Variants in TESK2 observed in about 807,000 individuals in gnomAD.
TESK2 encodes dual specificity testis-specific protein kinase 2.
TESK2 carries 39 observed loss-of-function variants against 57.1 expected under a neutral mutation model. That is an observed-to-expected ratio of 0.68 (90% CI 0.53 to 0.89). The LOEUF is 0.89. TESK2 is among the 40% of genes least tolerant of loss of function. The probability of loss-of-function intolerance (pLI) is 0.00; values close to 1 mark genes in which losing one functional copy is unlikely to be tolerated. For synonymous variants in TESK2, 249 were observed against 267.9 expected (o/e 0.93, Z 0.69); for missense variants, 646 against 732.1 (o/e 0.88, Z 1.36).
At chr1:45,480,021 C>T (rs1470002953) in intron 1 of TESK2, among the ~76,000 whole-genome samples, 1 of 151,370 alleles carries the variant, frequency 6.6e-6, no homozygotes, top group Non-Finnish European at 1.5e-5. Flanking sequence ...CGTGATTTCA[C>T]CATGTTGGTC....
intron 1 of TESK2, among the ~76,000 whole-genome samples, chr1:45,477,670 G>A (rs1653052511): frequency 6.3e-5 from 1 of 15,904 alleles, no homozygotes; most frequent in Admixed American, 9.0e-4. Flanking sequence ...AGACTAGCCA[G>A]AAGGAAGCAA....
intron 6 of TESK2, 61 bp from the exon 7 acceptor site, chr1:45,347,754 G>C (rs1647167215): frequency 6.4e-7 from 1 of 1,568,432 alleles, no homozygotes; most frequent in Admixed American, 1.7e-5. Context: ...GGAATCTTTT[G>C]ACCATTCCTC....
At chr1:45,422,090 A>C (rs140412760) in intron 2 of TESK2, among the ~76,000 whole-genome samples, 2 of 152,360 alleles carry the variant, frequency 1.3e-5, no homozygotes, top group East Asian at 3.9e-4. Flanking sequence ...CATGTCTGAT[A>C]TACACCATGG....
intron 2 of TESK2, among the ~76,000 whole-genome samples, chr1:45,442,507 A>G (rs987264851): frequency 1.9e-4 from 29 of 152,186 alleles, no homozygotes; most frequent in African/African-American, 6.8e-4. Flanking sequence ...AACTAGGACT[A>G]TTATAAAAAG....
chr1:45,380,211 T>C (rs1648600748), intron 4 of TESK2, among the ~76,000 whole-genome samples: 1 of 152,188 alleles, frequency 6.6e-6, no homozygotes, highest in Non-Finnish European at 1.5e-5. Flanking sequence ...GATAGTTTTC[T>C]TCATGGCAGA....
At chr1:45,350,194 C>T (rs1157670088) in intron 5 of TESK2, among the ~76,000 whole-genome samples, 1 of 152,096 alleles carries the variant, frequency 6.6e-6, no homozygotes, top group African/African-American at 2.4e-5. Flanking sequence ...TCATACATTC[C>T]ACTCTCCATA....
Position 45,394,679 on chromosome 1 carries a change from CTTTTTTTTT to C in TESK2, c.345-8728_345-8720del, listed in dbSNP as rs5773871. On this transcript the variant is annotated intron_variant, in intron 3 of 10. Coordinates refer to ENST00000372086, the MANE Select transcript of TESK2 (RefSeq NM_007170.3). ...AAGATAGTAAGACCAACAGGAAACT[CTTTTTTTTT>C]TTTTTTTTTTTTTTTTTTTTAAAGA... Among the ~76,000 whole-genome samples the C allele has an allele frequency of 3.3e-4, 19 of 57,424 alleles. No individual in the cohort carries two copies. The South Asian group carries it at 7.7e-3, about 23-fold the overall frequency. The allele number at this position is 57,424 out of a possible 152,430, so 37.7% of individuals were successfully genotyped here.
intron 4 of TESK2, among the ~76,000 whole-genome samples, chr1:45,368,615 T>C (rs1474721695): frequency 3.9e-5 from 6 of 152,016 alleles, no homozygotes; most frequent in Admixed American, 6.6e-5. Context: ...CCTCAGGTGA[T>C]CCACCTGCCT....
chr1:45,472,585 A>G (rs1408844862), intron 1 of TESK2, among the ~76,000 whole-genome samples: 1 of 150,818 alleles, frequency 6.6e-6, no homozygotes, highest in Admixed American at 6.6e-5. Context: ...AAGGTGATCA[A>G]GTAGACATAT....
intron 1 of TESK2, among the ~76,000 whole-genome samples, chr1:45,476,482 C>T (rs1007938617): frequency 8.6e-5 from 13 of 150,860 alleles, no homozygotes; most frequent in African/African-American, 1.5e-4. Flanking sequence ...ACTCCGGCCT[C>T]GGCACTAGAG....
At chr1:45,440,103 C>A (rs1033069620) in intron 2 of TESK2, among the ~76,000 whole-genome samples, 1 of 151,948 alleles carries the variant, frequency 6.6e-6, no homozygotes, top group African/African-American at 2.4e-5. Flanking sequence ...AGACATGCAC[C>A]AGTACACCTG....
chr1:45,388,808 C>T (rs994342412), intron 3 of TESK2, among the ~76,000 whole-genome samples: 6 of 150,696 alleles, frequency 4.0e-5, no homozygotes, highest in Non-Finnish European at 8.8e-5. Context: ...GCAAGCTCCG[C>T]CTCCCTGGTT....
intron 3 of TESK2, among the ~76,000 whole-genome samples, chr1:45,400,254 G>T (rs1333648048): frequency 6.6e-6 from 1 of 152,124 alleles, no homozygotes; most frequent in African/African-American, 2.4e-5. Flanking sequence ...GACGGAAGGG[G>T]TCTATGAGCC....
At chr1:45,486,793 A>ACACACACACACACACACACACACACACC in intron 1 of TESK2, among the ~76,000 whole-genome samples, 1 of 145,160 alleles carries the variant, frequency 6.9e-6, no homozygotes, top group Non-Finnish European at 1.5e-5. Flanking sequence ...ACACACACAC[A>ACACACACACACACACACACACACACACC]CACACACACA....
chr1:45,477,787 TA>T (rs1225938144), intron 1 of TESK2, among the ~76,000 whole-genome samples: 3 of 152,166 alleles, frequency 2.0e-5, no homozygotes, highest in Non-Finnish European at 4.4e-5. Context: ...CCACTATAAT[TA>T]GGCTAATCAT....
At chr1:45,394,272 A>C (rs1649267625) in intron 3 of TESK2, among the ~76,000 whole-genome samples, 1 of 148,786 alleles carries the variant, frequency 6.7e-6, no homozygotes, top group East Asian at 2.0e-4. Context: ...CTCCTGTCTC[A>C]CTGTCTCAGC....
chr1:45,434,490 T>C (rs1355840904), intron 2 of TESK2, among the ~76,000 whole-genome samples: 1 of 151,724 alleles, frequency 6.6e-6, no homozygotes, highest in Non-Finnish European at 1.5e-5. Flanking sequence ...TGGGGTCTTT[T>C]TGTCTTTTTG....
At chr1:45,431,700 C>T (rs557220141) in intron 2 of TESK2, among the ~76,000 whole-genome samples, 57 of 152,130 alleles carry the variant, frequency 3.7e-4, no homozygotes, top group African/African-American at 1.3e-3. Flanking sequence ...TTGAAGGGGT[C>T]AGAGAAGGAT....
At chr1:45,421,200 G>T (rs1017015782) in intron 3 of TESK2, among the ~76,000 whole-genome samples, 2 of 152,070 alleles carry the variant, frequency 1.3e-5, no homozygotes, top group Non-Finnish European at 2.9e-5. Context: ...AGGCTGCAGT[G>T]AACCATGATC....
Sources: gnomAD v4.1 joint callset for allele counts (sites outside exome capture counted in the v4.1 genomes callset) on GRCh38, gnomAD v4.1.1 for gene constraint, MANE v1.5 for transcripts, NCBI Gene and HGNC (gene_info 2026-07-23, HGNC 2026-07-21) for gene names.